Variants in DNAH10 observed in about 807,000 individuals in gnomAD.
DNAH10 encodes the protein dynein axonemal heavy chain 10.
DNAH10 carries 348 observed loss-of-function variants against 506.6 expected under a neutral mutation model. That is an observed-to-expected ratio of 0.69 (90% CI 0.63 to 0.75). DNAH10 has a LOEUF of 0.75. Ranked by LOEUF, DNAH10 falls within the 30% of genes least tolerant of loss-of-function variation. The pLI is 0.00. For synonymous variants in DNAH10, 2,059 were observed against 2,198.6 expected (o/e 0.94, Z 1.78); for missense variants, 5,179 against 5,787.1 (o/e 0.89, Z 3.41).
intron 51 of DNAH10, among the ~76,000 whole-genome samples, chr12:123,886,476 C>CGT (rs1316574648): frequency 9.0e-5 from 12 of 133,880 alleles, no homozygotes; most frequent in South Asian, 2.6e-4. Flanking sequence ...GTTGCGCGCG[C>CGT]GCGCGTGTGT....
chr12:123,816,493 G>T (rs1959147778), intron 21 of DNAH10, among the ~76,000 whole-genome samples: 1 of 152,204 alleles, frequency 6.6e-6, no homozygotes, highest in Non-Finnish European at 1.5e-5. Context: ...AGAGTGGTGT[G>T]CTCAGAGAAG....
At chr12:123,862,340 C>A (rs931905851) in intron 39 of DNAH10, among the ~76,000 whole-genome samples, 2 of 151,674 alleles carry the variant, frequency 1.3e-5, no homozygotes, top group African/African-American at 4.9e-5. Flanking sequence ...TCCTCCTCCT[C>A]CTCCTTCTCC....
intron 52 of DNAH10, among the ~76,000 whole-genome samples, chr12:123,889,267 AGT>A (rs1341131309): frequency 1.3e-5 from 2 of 152,198 alleles, no homozygotes; most frequent in Non-Finnish European, 2.9e-5. Flanking sequence ...AGTTTTGTTT[AGT>A]GTTTTCTTTT....
At chr12:123,896,639 C>T (rs1245538141) in intron 54 of DNAH10, among the ~76,000 whole-genome samples, 2 of 149,926 alleles carry the variant, frequency 1.3e-5, no homozygotes, top group East Asian at 2.0e-4. Context: ...CCTTCTGCCA[C>T]GGTGTCTTGG....
At chr12:123,865,600 A>C (rs550378044) in intron 40 of DNAH10, among the ~76,000 whole-genome samples, 1 of 152,198 alleles carries the variant, frequency 6.6e-6, no homozygotes, top group Non-Finnish European at 1.5e-5. Context: ...AATAATAAAG[A>C]AAAAAGATTG....
chr12:123,820,932 G>A (rs564067783), intron 24 of DNAH10, among the ~76,000 whole-genome samples, 174 bp downstream of exon 24: 1 of 152,198 alleles, frequency 6.6e-6, no homozygotes, highest in African/African-American at 2.4e-5. Context: ...TGGGTACAGG[G>A]TTTCCATTTG....
chr12:123,892,939 G>A (rs1038877526), intron 52 of DNAH10, among the ~76,000 whole-genome samples: 6 of 152,198 alleles, frequency 3.9e-5, no homozygotes, highest in Admixed American at 2.6e-4. Flanking sequence ...TCCCTGCTTC[G>A]GAGTTACAGG....
intron 1 of DNAH10, among the ~76,000 whole-genome samples, chr12:123,763,865 ACTT>A (rs1321488184): frequency 6.4e-5 from 8 of 125,174 alleles, no homozygotes; most frequent in Admixed American, 1.6e-4. Flanking sequence ...GCACCTGGCC[ACTT>A]CTTTTTTTTT....
rs550292650 is a variant in DNAH10 at position 123,842,918 on chromosome 12, C to T, written c.5360+1373C>T. Among the ~76,000 whole-genome samples the T allele has an allele frequency of 5.3e-5, 8 of 152,324 alleles. No individual in the cohort carries two copies. The South Asian group carries it at 6.2e-4, about 12-fold the overall frequency. On this transcript the variant is annotated intron_variant, in intron 30 of 78. Transcript: ENST00000673944. ...ATATTTCTTCAACCCCTGCTCTGGG[C>T]GATTTATTATGCTAGATGCTATTTC...
intron 52 of DNAH10, among the ~76,000 whole-genome samples, chr12:123,889,289 T>C (rs1436510830): frequency 2.0e-5 from 3 of 152,220 alleles, no homozygotes; most frequent in African/African-American, 4.8e-5. Context: ...TGATGTAAAA[T>C]TTACATACAG....
intron 12 of DNAH10, among the ~76,000 whole-genome samples, chr12:123,795,177 A>G (rs1016645394): frequency 2.0e-5 from 3 of 151,930 alleles, no homozygotes; most frequent in Non-Finnish European, 4.4e-5. Flanking sequence ...AAAGAAAAAA[A>G]TGCTTATAAT....
chr12:123,789,433 G>A (rs549635888), intron 10 of DNAH10, among the ~76,000 whole-genome samples: 5 of 151,998 alleles, frequency 3.3e-5, no homozygotes, highest in African/African-American at 1.2e-4. Context: ...ACCCAGGCTG[G>A]AGTGCAGTGG....
intron 19 of DNAH10, among the ~76,000 whole-genome samples, chr12:123,809,184 G>C (rs1032279727): frequency 6.6e-6 from 1 of 152,076 alleles, no homozygotes; most frequent in Non-Finnish European, 1.5e-5. Context: ...ACCCAGCCCT[G>C]CCCGGCTCAC....
rs944245414 is a variant in DNAH10 at position 123,907,251 on chromosome 12, G to C, written c.9816-2010G>C. ...CGGAGGGGGCACCTTCTCTGAGATT[G>C]CAAGGAGCTCGGCTGGAGAAAAAGC... On this transcript the variant is annotated intron_variant, in intron 57 of 78. Transcript: ENST00000673944. This position sits in a 1 kb window ranked among gnomAD's most constrained non-coding sequence, Gnocchi z 4.4. 6.6e-6 allele frequency among the ~76,000 whole-genome samples: 1 copy of C among 152,234 alleles called. No homozygotes were observed. The highest frequency in any genetic ancestry group is 6.5e-5 in the Admixed American group (1 of 15,286).
At chr12:123,856,149 AAAT>A (rs1191991110) in intron 36 of DNAH10, among the ~76,000 whole-genome samples, 11 of 147,280 alleles carry the variant, frequency 7.5e-5, no homozygotes, top group African/African-American at 9.8e-5. Flanking sequence ...TATAATTTAT[AAAT>A]AATACAAATA....
chr12:123,778,512 T>C (rs1044164753), intron 5 of DNAH10, among the ~76,000 whole-genome samples: 2 of 151,996 alleles, frequency 1.3e-5, no homozygotes, highest in South Asian at 2.1e-4. Flanking sequence ...CTGATCAATA[T>C]GGCGAAACCT....
intron 52 of DNAH10, among the ~76,000 whole-genome samples, chr12:123,888,149 G>A (rs937218821): frequency 6.6e-6 from 1 of 152,074 alleles, no homozygotes; most frequent in Non-Finnish European, 1.5e-5. Flanking sequence ...TTGAGGCTGC[G>A]GTAAGTCATG....
In DNAH10 at chr12:123,928,868, AC is replaced by A. The variant is rs11338826; in HGVS notation, c.12306+282del. 137,100 of 414,522 alleles carry A rather than the reference AC, an allele frequency of 0.33. 22,297 individuals are homozygous for A. Among genetic ancestry groups the A allele is most frequent in the African/African-American group, 0.42 (16,012 of 38,380 alleles). 25.7% of individuals were successfully genotyped at this position (414,522 alleles called of 1,614,324 possible). A position where few individuals can be genotyped will look rare whatever the true frequency, so the allele number is the denominator to read the frequency against. ...CATAAACTTCACGGCCCCCCCCCCC[AC>A]ACACAGCCTGCAGTTCGCTAGTGCT... On this transcript the variant is annotated intron_variant, in intron 70 of 78. Coordinates refer to ENST00000673944, the MANE Select transcript of DNAH10 (RefSeq NM_001372106.1). This position sits in a 1 kb window ranked among gnomAD's most constrained non-coding sequence, Gnocchi z 4.9.
chr12:123,866,725 A>C (rs1241361515), intron 41 of DNAH10, among the ~76,000 whole-genome samples: 1 of 152,238 alleles, frequency 6.6e-6, no homozygotes, highest in Non-Finnish European at 1.5e-5. Flanking sequence ...GCATGAAAAC[A>C]GCCAGAAATT....
Sources: allele counts gnomAD v4.1 joint callset (sites outside exome capture counted in the v4.1 genomes callset), GRCh38; gene constraint gnomAD v4.1.1; non-coding constraint Gnocchi (gnomAD v3.1); transcripts MANE v1.5; gene names NCBI Gene and HGNC (gene_info 2026-07-23, HGNC 2026-07-21).